SHARPIN: variants seen among roughly 807,000 people sequenced by gnomAD.
SHARPIN encodes the protein hSIPL1.
A neutral mutation model predicts 40.3 loss-of-function variants in SHARPIN; 25 were observed. That is an observed-to-expected ratio of 0.62 (90% confidence interval 0.45 to 0.87). The LOEUF is 0.87. Among genes scored for constraint, SHARPIN ranks in the 40% least tolerant of loss-of-function variants. The pLI is 0.00. For missense variants in SHARPIN, 551 were observed against 516.1 expected, an observed-to-expected ratio of 1.07 and a Z score of -0.66; for synonymous variants, 274 against 221.8, an observed-to-expected ratio of 1.24 and a Z score of -2.09.
At chr8:144,099,893 T>TGGCCCCCCCCCCCCCCCCCCCCCC in intron 3 of SHARPIN, 36 bp downstream of exon 3, 4 of 1,550,808 alleles carry the variant, frequency 2.6e-6, no homozygotes, top group Non-Finnish European at 3.5e-6. Flanking sequence ...CTATCTGCTA[T>TGGCCCCCCCCCCCCCCCCCCCCCC]CCCCGAACCC....
chr8:144,100,140 C>T (rs1587610841), intron 2 of SHARPIN, 71 bp from the exon 3 acceptor site: 1 of 1,504,760 alleles, frequency 6.6e-7, no homozygotes, highest in Non-Finnish European at 8.9e-7. Context: ...TTTTCCAGGA[C>T]CTTTGCCTTC....
intron 1 of SHARPIN, 141 bp downstream of exon 1, chr8:144,103,412 C>G: frequency 9.2e-7 from 1 of 1,085,128 alleles, no homozygotes; most frequent in East Asian, 2.6e-5. Context: ...AGCGTCACCC[C>G]CATTTCACGG....
chr8:144,102,700 C>T (rs942602156), intron 2 of SHARPIN: 6 of 398,674 alleles, frequency 1.5e-5, no homozygotes, highest in African/African-American at 4.1e-5. Context: ...CCACTCCTGT[C>T]ACTCTCCTGC....
At chr8:144,098,836 C>T (rs1398095047) in intron 8 of SHARPIN, 30 bp downstream of exon 8, 1 of 1,477,604 alleles carries the variant, frequency 6.8e-7, no homozygotes, top group Non-Finnish European at 9.1e-7. Flanking sequence ...CCCTGCCCCC[C>T]ACCTCCCCTG....
At position 144,098,947 on chromosome 8, in the gene SHARPIN, G is replaced by A. The variant is rs780264021; in HGVS notation, c.1095C>T (p.Arg365=). Residue 365 remains arginine, a synonymous_variant, in exon 8 of 9, where the codon CGC becomes CGT. Coordinates refer to ENST00000398712, the MANE Select transcript of SHARPIN (RefSeq NM_030974.4). ...GGGTGCTACACATCTCACAGCCAGG[G>A]CGGTCTGGGGCATTGATGAAGGTGC... ...PSCTFINAPD[R]PGCEMCSTQR... The A allele has an allele frequency of 1.6e-5, 26 of 1,592,370 alleles. No homozygotes were observed. The highest frequency in any genetic ancestry group is 1.3e-4 in the East Asian group (6 of 44,712).
Position 144,103,100 on chromosome 8 carries a change from A to G in SHARPIN, c.327T>C (p.Ala109=). The G allele has an allele frequency of 6.2e-7, 1 of 1,609,954 alleles. No homozygotes were observed. Among genetic ancestry groups the G allele is most frequent in the Non-Finnish European group, 8.5e-7 (1 of 1,179,090 alleles). Residue 109 remains alanine, a synonymous_variant, in exon 2 of 9, where the codon GCT becomes GCC. Coordinates refer to ENST00000398712, the MANE Select transcript of SHARPIN (RefSeq NM_030974.4). ...LSLHFLNPQE[A]QRWAVLVRGA... ...CTCGGACTAGGACTGCCCACCGCTG[A>G]GCTTCCTGAGGGTTGAGGAAGTGCA...
At chr8:144,103,511 C>T (rs1353372054) in intron 1 of SHARPIN, 42 bp downstream of exon 1, 3 of 1,520,920 alleles carry the variant, frequency 2.0e-6, no homozygotes, top group African/African-American at 1.4e-5. Context: ...GTGCCCTGCC[C>T]GGGCCAAGAG....
rs1280427255 is a variant in SHARPIN at position 144,103,067 on chromosome 8, G to T, written c.360C>A (p.Thr120=). 6.2e-7 allele frequency: 1 copy of T among 1,612,832 alleles called. No homozygotes were observed. The highest frequency in any genetic ancestry group is 2.2e-5 in the East Asian group (1 of 44,816). The change falls in exon 2 of 9, where the codon ACC becomes ACA. Residue 120 remains threonine (T), a synonymous_variant. Coordinates refer to ENST00000398712, the MANE Select transcript of SHARPIN (RefSeq NM_030974.4). ...QRWAVLVRGA[T]VEGQNGSKSN... The stretch of plus-strand genomic sequence containing the variant: ...GGCACTGACCATTCTGTCCTTCCAC[G>T]GTGGCACCTCGGACTAGGACTGCCC...
In SHARPIN at chr8:144,103,758, G is replaced by A. The variant is rs1041205016; in HGVS notation, c.-5C>T. The A allele has an allele frequency of 2.9e-6, 4 of 1,364,374 alleles. No homozygotes were observed. The highest frequency in any genetic ancestry group is 1.7e-5 in the South Asian group (1 of 57,220). The allele number at this position is 1,364,374 out of a possible 1,614,324, so 84.5% of individuals were successfully genotyped here. On this transcript the variant is annotated 5_prime_UTR_variant, in exon 1 of 9. Transcript: ENST00000398712. ...CCCGCCCGCTGGCGGCGCCATCTCC[G>A]GTCCGGCCGGGTCCCACCCCTCCGA...
At chr8:144,102,855 T>C in intron 2 of SHARPIN, 196 bp downstream of exon 2, 1 of 674,148 alleles carries the variant, frequency 1.5e-6, no homozygotes, top group Non-Finnish European at 2.6e-6. Flanking sequence ...TTGTGCTGGC[T>C]GGGGCCTCAG....
At position 144,098,993 on chromosome 8, in the gene SHARPIN, G is replaced by C; in HGVS notation, c.1049C>G (p.Pro350Arg). 1 of 1,602,462 alleles carries C rather than the reference G, an allele frequency of 6.2e-7. No homozygotes were observed. The highest frequency in any genetic ancestry group is 8.5e-7 in the Non-Finnish European group (1 of 1,176,750). ...GGTGCAGGAAGGACAGGACCAGCTG[G>C]GCTGGGGGAAGAGAGACAGTTGTTG... Reference protein sequence around the residue: ...AASSLPSPLQPSWSCPSCTFI... With the variant: ...AASSLPSPLQRSWSCPSCTFI... The change falls in exon 8 of 9, where the codon CCC (proline) becomes CGC (arginine). Residue 350 changes from proline to arginine, a missense_variant and splice_region_variant. Transcript: ENST00000398712.
intron 1 of SHARPIN, 119 bp downstream of exon 1, chr8:144,103,434 G>A: frequency 8.4e-7 from 1 of 1,189,568 alleles, no homozygotes; most frequent in East Asian, 2.6e-5. Flanking sequence ...CGAGAAAACA[G>A]AAGCAAAGAA....
intron 2 of SHARPIN, among the ~76,000 whole-genome samples, chr8:144,101,236 A>G (rs1173490595): frequency 1.3e-5 from 2 of 148,868 alleles, no homozygotes; most frequent in African/African-American, 2.5e-5. Context: ...TAATTTTATT[A>G]TTTTTGTTTT....
In SHARPIN at chr8:144,099,540, G is replaced by C. The variant is rs750068285; in HGVS notation, c.738C>G (p.Pro246=). The part of the protein sequence containing the change: ...SSAHVALQVH[P]HCTVAALQEQ... ...CCTGGAGAGCTGCAACAGTGCAGTGGGGGTGGACCTGCAGGGCAACGTGTG... is the reference window on the plus strand; with the variant it reads ...CCTGGAGAGCTGCAACAGTGCAGTGCGGGTGGACCTGCAGGGCAACGTGTG... Residue 246 remains proline (P), a synonymous_variant, in exon 5 of 9, where the codon CCC becomes CCG. Transcript: ENST00000398712. 6.2e-7 allele frequency: 1 copy of C among 1,614,060 alleles called. No individual in the cohort carries two copies. Among genetic ancestry groups the C allele is most frequent in the Non-Finnish European group, 8.5e-7 (1 of 1,180,004 alleles).
Position 144,099,993 on chromosome 8 carries a change from G to A in SHARPIN, c.453C>T (p.Ser151=). Residue 151 remains serine (S), a synonymous_variant, in exon 3 of 9, where the codon TCC becomes TCT. Transcript: ENST00000398712. ...PVSLPSPPEA[S]TLKGPPPEAD... The stretch of plus-strand genomic sequence containing the variant: ...CCTCAGGTGGAGGGCCCTTGAGTGT[G>A]GAGGCTTCCGGGGGACTGGGCAGGG... 1 of 1,610,508 alleles carries A rather than the reference G, an allele frequency of 6.2e-7. No homozygotes were observed. The highest frequency in any genetic ancestry group is 8.5e-7 in the Non-Finnish European group (1 of 1,178,190).
At position 144,098,862 on chromosome 8, in the gene SHARPIN, G is replaced by T. The variant is rs1218473197; in HGVS notation, c.*12+4C>A. 6.4e-7 allele frequency: 1 copy of T among 1,568,880 alleles called. No individual in the cohort carries two copies. Among genetic ancestry groups the T allele is most frequent in the Admixed American group, 2.0e-5 (1 of 50,400 alleles). On this transcript the variant is annotated splice_donor_region_variant and intron_variant, in intron 8 of 8. Coordinates refer to ENST00000398712, the MANE Select transcript of SHARPIN (RefSeq NM_030974.4). ...ACCTCCCCTGCCTGTGCCACCTCTG[G>T]TACCTCTGGTGGCTGCTAGGTGGAA...
At chr8:144,103,449 A>C in intron 1 of SHARPIN, 104 bp downstream of exon 1, 1 of 1,257,964 alleles carries the variant, frequency 7.9e-7, no homozygotes, top group South Asian at 1.4e-5. Context: ...AAAGAAACAT[A>C]ACTGCTTAAG....
Sources: allele counts gnomAD v4.1 joint callset (sites outside exome capture counted in the v4.1 genomes callset), GRCh38; gene constraint gnomAD v4.1.1; transcripts MANE v1.5; gene names NCBI Gene and HGNC (gene_info 2026-07-23, HGNC 2026-07-21).